The following CAMTA1 variants were observed in gnomAD, a reference collection of about 807,000 sequenced individuals.
CAMTA1 encodes the protein calmodulin-binding transcription activator 1.
CAMTA1 carries 27 observed loss-of-function variants against 170.9 expected under a neutral mutation model. The observed-to-expected ratio is 0.16, with a 90% CI of 0.12 to 0.22. The LOEUF (loss-of-function observed/expected upper bound fraction) is 0.22. Ranked by LOEUF, CAMTA1 falls within the 10% of genes least tolerant of loss-of-function variation. The pLI, the probability that CAMTA1 is intolerant of heterozygous loss-of-function variation, is 1.00. For missense variants in CAMTA1, 1,619 were observed against 2,217.2 expected, an observed-to-expected ratio of 0.73 and a Z score of 5.42; for synonymous variants, 833 against 891.5, an observed-to-expected ratio of 0.93 and a Z score of 1.17.
At chr1:6,982,189 C>T (rs185900990) in intron 3 of CAMTA1, among the ~76,000 whole-genome samples, 1 of 152,304 alleles carries the variant, frequency 6.6e-6, no homozygotes, top group East Asian at 1.9e-4. Context: ...CAGCTAGTTA[C>T]ACTGTAAACC....
chr1:7,639,144 A>G (rs2095740013), intron 6 of CAMTA1, among the ~76,000 whole-genome samples: 2 of 151,028 alleles, frequency 1.3e-5, no homozygotes, highest in Non-Finnish European at 3.0e-5. Flanking sequence ...ATGCCCGGCT[A>G]ATTTTTTTGT....
At position 7,745,959 on chromosome 1, in the gene CAMTA1, G is replaced by T; in HGVS notation, c.4485G>T (p.Trp1495Cys). 1 of 1,614,166 alleles carries T rather than the reference G, an allele frequency of 6.2e-7. No homozygotes were observed. Among genetic ancestry groups the T allele is most frequent in the Non-Finnish European group, 8.5e-7 (1 of 1,180,040 alleles). Residue 1495 changes from tryptophan to cysteine, a missense_variant, in exon 18 of 23, where the codon TGG (tryptophan) becomes TGT (cysteine). By Grantham distance (215) the Trp-to-Cys change is radical. This residue lies in a region of CAMTA1 where 370 missense variants were observed against 429.4 expected (regional missense o/e 0.86). Coordinates refer to ENST00000303635, the MANE Select transcript of CAMTA1 (RefSeq NM_015215.4). ...EKPNLPSAAD[W>C]SEFLSASTSE... The stretch of plus-strand genomic sequence containing the variant: ...CTAACCTTCCCTCCGCCGCGGATTG[G>T]TCAGAATTCCTGAGTGCATCTACCA...
chr1:7,759,255 A>G (rs1047132183), intron 22 of CAMTA1, among the ~76,000 whole-genome samples: 3 of 152,158 alleles, frequency 2.0e-5, no homozygotes, highest in African/African-American at 7.2e-5. Flanking sequence ...CTCCTACGTC[A>G]GTGGAGCAGG....
Position 6,820,209 on chromosome 1 carries a change from C to G in CAMTA1, c.74C>G (p.Thr25Ser), listed in dbSNP as rs781188428. The change falls in exon 2 of 23, where the codon ACT (threonine) becomes AGT (serine). Residue 25 changes from threonine (T) to serine (S), a missense_variant. Transcript: ENST00000303635. ...GTTTCCCAAAGTGTATTCTGCGGAA[C>G]TAGCACCTACTGTGTTCTCAACACC... ...KSVSQSVFCG[T>S]STYCVLNTVP... 8 of 1,611,498 alleles carry G rather than the reference C, an allele frequency of 5.0e-6. No homozygotes were observed. In the South Asian group the frequency reaches 5.5e-5, roughly 11 times the overall value.
At chr1:7,335,972 C>T (rs1029322) in intron 5 of CAMTA1, among the ~76,000 whole-genome samples, 16,124 of 152,188 alleles carry the variant, frequency 0.11, 936 homozygotes, top group African/African-American at 0.15. Context: ...ACCGGCTCAT[C>T]GACTCTGGAA....
At chr1:7,084,116 TA>T (rs1640401063) in intron 3 of CAMTA1, among the ~76,000 whole-genome samples, 1 of 152,116 alleles carries the variant, frequency 6.6e-6, no homozygotes, top group Non-Finnish European at 1.5e-5. Context: ...CTGTATAGAC[TA>T]TAGAGAGATT....
rs368080639 is a variant in CAMTA1, at chr1:7,285,377, C to T, written c.438+35751C>T. Among the ~76,000 whole-genome samples the T allele has an allele frequency of 3.3e-5, 5 of 152,314 alleles. No homozygotes were observed. In the East Asian group the frequency reaches 5.8e-4, roughly 18 times the overall value. ...ATGGTGGGTGGCGCTGATGCACCTT[C>T]GGGAAGTTCTGCGACGTGCAAGCTG... is the stretch of plus-strand genomic sequence containing the variant. On this transcript the variant is annotated intron_variant, in intron 5 of 22. Transcript: ENST00000303635.
intron 3 of CAMTA1, among the ~76,000 whole-genome samples, chr1:6,924,220 G>A (rs906234788): frequency 3.3e-5 from 5 of 152,210 alleles, no homozygotes; most frequent in African/African-American, 1.2e-4. Context: ...CTCTCTTGGC[G>A]CTTACCTTCT....
chr1:7,375,544 G>A (rs778774326), intron 5 of CAMTA1, among the ~76,000 whole-genome samples: 2 of 152,164 alleles, frequency 1.3e-5, no homozygotes, highest in African/African-American at 2.4e-5. Context: ...GCCAGCCCTG[G>A]GACCAACACC....
In CAMTA1 at chr1:7,198,846, G is replaced by A. The variant is rs958836020; in HGVS notation, c.303-50645G>A. Among the ~76,000 whole-genome samples, 6 of 152,120 alleles carry A rather than the reference G, an allele frequency of 3.9e-5. No homozygotes were observed. In the East Asian group the frequency reaches 1.2e-3, roughly 29 times the overall value. On this transcript the variant is annotated intron_variant, in intron 4 of 22. Coordinates refer to ENST00000303635, the MANE Select transcript of CAMTA1 (RefSeq NM_015215.4). ...TGCTCCATTCCTGTAGTGAGTCTGG[G>A]GGAGCCCTCTGCAGGCAGGGAGCCC...
intron 4 of CAMTA1, among the ~76,000 whole-genome samples, chr1:7,105,780 C>G (rs1413110202): frequency 6.6e-6 from 1 of 151,890 alleles, no homozygotes; most frequent in Non-Finnish European, 1.5e-5. Flanking sequence ...ACCGTCTCTA[C>G]AAAAATACAA....
intron 1 of CAMTA1, among the ~76,000 whole-genome samples, chr1:6,787,416 T>C (rs1180442976): frequency 2.6e-5 from 4 of 152,260 alleles, no homozygotes; most frequent in African/African-American, 9.6e-5. Flanking sequence ...TGTTTTTTGC[T>C]GTTCCGGTTC....
chr1:6,841,281 C>T (rs1655587830), intron 3 of CAMTA1, among the ~76,000 whole-genome samples: 1 of 152,216 alleles, frequency 6.6e-6, no homozygotes, highest in Non-Finnish European at 1.5e-5. Context: ...AACCTAAATT[C>T]TATCTTCAGC....
At chr1:7,639,773 G>GAA (rs34262081) in intron 6 of CAMTA1, among the ~76,000 whole-genome samples, 2 of 142,366 alleles carry the variant, frequency 1.4e-5, no homozygotes, top group Non-Finnish European at 1.6e-5. Flanking sequence ...TCTGTCTAAA[G>GAA]AAAAAAAAAA....
intron 4 of CAMTA1, among the ~76,000 whole-genome samples, chr1:7,156,272 C>A (rs539444578): frequency 5.9e-4 from 79 of 133,176 alleles, no homozygotes; most frequent in African/African-American, 1.9e-3. Context: ...GAAAACTCCA[C>A]CTCAAAAAAA....
intron 3 of CAMTA1, among the ~76,000 whole-genome samples, chr1:6,836,730 T>TG (rs1002056839): frequency 7.2e-5 from 11 of 152,032 alleles, no homozygotes; most frequent in African/African-American, 2.4e-4. Context: ...AAGGAGTTCA[T>TG]GGGGGAAATA....
At position 7,736,590 on chromosome 1, in the gene CAMTA1, C is replaced by T. The variant is rs2096774376; in HGVS notation, c.3263+50C>T. On this transcript the variant is annotated intron_variant, in intron 13 of 22. Transcript: ENST00000303635. This position sits in a 1 kb window ranked among gnomAD's most constrained non-coding sequence, Gnocchi z 4.5. ...GGGGTCAGCCTCGCACATCCTCGCT[C>T]ACATTCTTCCTGAGCACTGCCACCC... 6.4e-7 allele frequency: 1 copy of T among 1,560,038 alleles called. No individual in the cohort carries two copies.
chr1:7,018,547 C>T (rs146944005), intron 3 of CAMTA1, among the ~76,000 whole-genome samples: 1 of 152,140 alleles, frequency 6.6e-6, no homozygotes, highest in African/African-American at 2.4e-5. Flanking sequence ...CAAATCCTCT[C>T]TCCCGCTTCT....
intron 4 of CAMTA1, among the ~76,000 whole-genome samples, chr1:7,140,793 C>T (rs530392286): frequency 3.7e-4 from 56 of 152,088 alleles, no homozygotes; most frequent in African/African-American, 1.3e-3. Context: ...GCAGATGTAC[C>T]GGTATGTTAA....
Sources: gnomAD v4.1 joint callset for allele counts (sites outside exome capture counted in the v4.1 genomes callset) on GRCh38, gnomAD v4.1.1 for gene constraint, gnomAD v4.1.1 regional missense constraint, Gnocchi (gnomAD v3.1) non-coding constraint, MANE v1.5 for transcripts, NCBI Gene and HGNC (gene_info 2026-07-23, HGNC 2026-07-21) for gene names.